Variants in HLCS observed in about 807,000 individuals in gnomAD.
HLCS encodes the protein biotin--protein ligase.
In HLCS, 53 loss-of-function variants were observed where a neutral mutation model predicts 75.0. That is an observed-to-expected ratio of 0.71 (90% CI 0.57 to 0.89). The LOEUF is 0.89. HLCS is among the 40% of genes least tolerant of loss of function. The pLI is 0.00. For synonymous variants in HLCS, 431 were observed against 428.6 expected, an observed-to-expected ratio of 1.01 and a Z score of -0.07; for missense variants, 966 against 1,074.0, an observed-to-expected ratio of 0.90 and a Z score of 1.41.
chr21:36,925,867 C>T (rs542117257), intron 5 of HLCS, among the ~76,000 whole-genome samples: 1 of 152,078 alleles, frequency 6.6e-6, no homozygotes, highest in South Asian at 2.1e-4. Context: ...ACATCAGATT[C>T]GATAGAAAAT....
chr21:36,753,056 T>C lies in HLCS; in HGVS notation c.*1190A>G, dbSNP rs1045732079. ...AAAAGGCATGGCGTACATCTGGGAA[T>C]AGCGAATGCATATCAAAAGGCTTCA... On this transcript the variant is annotated 3_prime_UTR_variant, in exon 11 of 11. Coordinates refer to ENST00000674895, the MANE Select transcript of HLCS (RefSeq NM_001352514.2). The surrounding 1 kb of genome is among the most constrained non-coding windows in gnomAD (Gnocchi z 4.3). 1 of 152,710 alleles carries C rather than the reference T, an allele frequency of 6.5e-6. No homozygotes were observed. The highest frequency in any genetic ancestry group is 1.5e-5 in the Non-Finnish European group (1 of 68,060). The allele number at this position is 152,710 out of a possible 1,614,324, so 9.5% of individuals were successfully genotyped here.
Position 36,760,429 on chromosome 21 carries a change from T to C in HLCS, c.2122-588A>G, listed in dbSNP as rs1349911016. Among the ~76,000 whole-genome samples, 3 of 151,868 alleles carry C rather than the reference T, an allele frequency of 2.0e-5. No individual in the cohort carries two copies. The East Asian group carries it at 5.8e-4, about 29-fold the overall frequency. On this transcript the variant is annotated intron_variant, in intron 8 of 10. Transcript: ENST00000674895. ...TTCGAGACCAGTCTGGCCAACATAGTGAAACCCCATCTCTGCTAAAAATAC... is the reference window on the plus strand; with the variant it reads ...TTCGAGACCAGTCTGGCCAACATAGCGAAACCCCATCTCTGCTAAAAATAC...
At chr21:36,881,270 C>T (rs1601610033) in intron 6 of HLCS, among the ~76,000 whole-genome samples, 2 of 152,056 alleles carry the variant, frequency 1.3e-5, no homozygotes, top group South Asian at 2.1e-4. Flanking sequence ...ACGCCTGGCC[C>T]GGCAGAGATT....
intron 6 of HLCS, among the ~76,000 whole-genome samples, chr21:36,814,940 T>C (rs1318871073): frequency 1.4e-5 from 2 of 146,878 alleles, no homozygotes; most frequent in Non-Finnish European, 3.0e-5. Context: ...GGTGGAGGAG[T>C]GGGGGCCCTG....
chr21:36,934,739 A>G (rs1272946678), intron 4 of HLCS, among the ~76,000 whole-genome samples: 1 of 152,166 alleles, frequency 6.6e-6, no homozygotes, highest in Non-Finnish European at 1.5e-5. Context: ...TCATTACTAG[A>G]TTTATTACAA....
intron 5 of HLCS, among the ~76,000 whole-genome samples, chr21:36,909,020 C>T (rs2065585593): frequency 6.6e-6 from 1 of 152,088 alleles, no homozygotes; most frequent in Admixed American, 6.5e-5. Flanking sequence ...CGGTGAAACT[C>T]CACCTCTACC....
chr21:36,936,949 G>A lies in HLCS; in HGVS notation c.937C>T (p.Leu313Phe). 1 of 1,614,184 alleles carries A rather than the reference G, an allele frequency of 6.2e-7. No individual in the cohort carries two copies. Among genetic ancestry groups the A allele is most frequent in the Non-Finnish European group, 8.5e-7 (1 of 1,180,040 alleles). ...TCCTGGGAGTCGGAGCCCACATAGA[G>A]GAGGATGTTGGGTGCCTTTCCCGTG... ...NLTGKAPNIL[L>F]YVGSDSQEAL... The change falls in exon 4 of 11, where the codon CTC becomes TTC. Residue 313 changes from leucine to phenylalanine, a missense_variant. Transcript: ENST00000674895.
chr21:36,764,108 C>A (rs1205526126), intron 8 of HLCS, among the ~76,000 whole-genome samples: 1 of 152,194 alleles, frequency 6.6e-6, no homozygotes, highest in Non-Finnish European at 1.5e-5. Context: ...AAACAAAAAA[C>A]AAACATGCAG....
At chr21:36,934,029 A>C (rs1569212051) in intron 4 of HLCS, among the ~76,000 whole-genome samples, 1 of 152,116 alleles carries the variant, frequency 6.6e-6, no homozygotes, top group Non-Finnish European at 1.5e-5. Flanking sequence ...TGGAAACAAG[A>C]AAAGAGGCCA....
chr21:36,769,371 C>CA (rs1178923050), intron 6 of HLCS, among the ~76,000 whole-genome samples: 1 of 152,202 alleles, frequency 6.6e-6, no homozygotes, highest in Non-Finnish European at 1.5e-5. Flanking sequence ...AACAAAGCAG[C>CA]ATTTATAAAC....
At position 36,979,097 on chromosome 21, in the gene HLCS, G is replaced by A. The variant is rs140134844; in HGVS notation, c.-393+11061C>T. On this transcript the variant is annotated intron_variant, in intron 1 of 11. Transcript: ENST00000336648. ...ATCCTGGCTAACACAGTGAAACCCC[G>A]TCTCTACTAAAAATTCAAAAAAAAA... Among the ~76,000 whole-genome samples, 802 of 151,900 alleles carry A rather than the reference G, an allele frequency of 5.3e-3. 3 individuals carry two copies. Among genetic ancestry groups the A allele is most frequent in the African/African-American group, 0.018 (749 of 41,428 alleles).
intron 3 of HLCS, among the ~76,000 whole-genome samples, chr21:36,938,588 C>G (rs1373667747): frequency 6.6e-6 from 1 of 152,194 alleles, no homozygotes; most frequent in African/African-American, 2.4e-5. Flanking sequence ...TGGCCTCAAC[C>G]TCCCAGCTCA....
At chr21:36,872,306 C>G (rs1391861029) in intron 6 of HLCS, among the ~76,000 whole-genome samples, 4 of 151,484 alleles carry the variant, frequency 2.6e-5, no homozygotes, top group Non-Finnish European at 4.4e-5. Flanking sequence ...GCCTGTAGTC[C>G]CAGCTACTCG....
At chr21:36,858,189 A>G (rs2063263846) in intron 6 of HLCS, among the ~76,000 whole-genome samples, 1 of 152,240 alleles carries the variant, frequency 6.6e-6, no homozygotes, top group Admixed American at 6.5e-5. Context: ...TAAACTTAAG[A>G]AATCTTATCT....
chr21:36,864,293 G>A (rs2146202665), intron 6 of HLCS, among the ~76,000 whole-genome samples: 1 of 152,132 alleles, frequency 6.6e-6, no homozygotes, highest in African/African-American at 2.4e-5. Context: ...CCAGCTACTT[G>A]GGAGGCTGAG....
At chr21:36,953,210 C>A (rs2067754192) in intron 2 of HLCS, among the ~76,000 whole-genome samples, 1 of 152,206 alleles carries the variant, frequency 6.6e-6, no homozygotes, top group Non-Finnish European at 1.5e-5. Flanking sequence ...GATCCTCCCA[C>A]CCCAGCCTCT....
intron 6 of HLCS, among the ~76,000 whole-genome samples, chr21:36,773,227 G>A (rs760948750): frequency 2.0e-5 from 3 of 152,216 alleles, no homozygotes; most frequent in African/African-American, 7.2e-5. Flanking sequence ...CAGTTCACTA[G>A]TTGGTGGAGC....
chr21:36,800,201 G>A (rs1280203067), intron 6 of HLCS, among the ~76,000 whole-genome samples: 1 of 152,172 alleles, frequency 6.6e-6, no homozygotes, highest in Non-Finnish European at 1.5e-5. Context: ...GAGCCTGAGG[G>A]ATGAGGCACT....
At chr21:36,798,544 T>A in intron 6 of HLCS, among the ~76,000 whole-genome samples, 1 of 152,240 alleles carries the variant, frequency 6.6e-6, no homozygotes, top group African/African-American at 2.4e-5. Context: ...ACTGACTGAT[T>A]GATCTGCTCA....
Sources: allele counts gnomAD v4.1 joint callset (sites outside exome capture counted in the v4.1 genomes callset), GRCh38; gene constraint gnomAD v4.1.1; non-coding constraint Gnocchi (gnomAD v3.1); transcripts MANE v1.5; gene names NCBI Gene and HGNC (gene_info 2026-07-23, HGNC 2026-07-21).